RTTN: variants seen among roughly 807,000 people sequenced by gnomAD.
The protein encoded by RTTN is rotatin.
Under a neutral mutation model 269.2 loss-of-function variants are expected in RTTN, and 182 were observed. The ratio of observed to expected loss-of-function variants is 0.68; its 90% CI spans 0.60 to 0.76. RTTN has a LOEUF of 0.76. RTTN is among the 30% of genes least tolerant of loss of function. The probability of loss-of-function intolerance (pLI) is 0.00; values close to 1 mark genes in which losing one functional copy is unlikely to be tolerated. For missense variants in RTTN, 2,545 were observed against 2,608.6 expected, an observed-to-expected ratio of 0.98 and a Z score of 0.53; for synonymous variants, 1,006 against 963.5, an observed-to-expected ratio of 1.04 and a Z score of -0.82.
chr18:70,196,339 T>C (rs2061805724), intron 7 of RTTN, among the ~76,000 whole-genome samples, 162 bp downstream of exon 7: 1 of 151,492 alleles, frequency 6.6e-6, no homozygotes, highest in African/African-American at 2.4e-5. Context: ...GTTTCTGTCA[T>C]TCACGCAATC....
In RTTN at chr18:70,075,336, A is replaced by G; in HGVS notation, c.4564+16T>C. 6.8e-7 allele frequency: 1 copy of G among 1,475,310 alleles called. No homozygotes were observed. The highest frequency in any genetic ancestry group is 9.1e-7 in the Non-Finnish European group (1 of 1,102,766). The allele number at this position is 1,475,310 out of a possible 1,614,324, so 91.4% of individuals were successfully genotyped here. A position where few individuals can be genotyped will look rare whatever the true frequency, so the allele number is the denominator to read the frequency against. Reference sequence around the variant, plus strand: ...TACATATTACAAAAATAAAAATACAAAGATATCGTACTTACCATTTAAATC... The same window carrying G: ...TACATATTACAAAAATAAAAATACAGAGATATCGTACTTACCATTTAAATC... On this transcript the variant is annotated intron_variant, in intron 33 of 48. Coordinates refer to ENST00000640769, the MANE Select transcript of RTTN (RefSeq NM_173630.4).
Position 70,193,437 on chromosome 18 carries a change from A to AT in RTTN, c.857dup (p.Asn286LysfsTer9). On this transcript the variant is annotated frameshift_variant, in exon 8 of 49. Coordinates refer to ENST00000640769, the MANE Select transcript of RTTN (RefSeq NM_173630.4). LOFTEE classifies it high-confidence loss of function. Reference sequence around the variant, plus strand: ...CTTCATGACAATAAGACAAAGAAGAATTTTGGGAAACTGTGTCTGGGGAAA... The same window carrying AT: ...CTTCATGACAATAAGACAAAGAAGAATTTTTGGGAAACTGTGTCTGGGGAAA... The AT allele has an allele frequency of 1.3e-6, 2 of 1,528,440 alleles. No homozygotes were observed. The highest frequency in any genetic ancestry group is 2.5e-5 in the South Asian group (2 of 80,690). The allele number at this position is 1,528,440 out of a possible 1,614,324, so 94.7% of individuals were successfully genotyped here.
At chr18:70,193,554 G>A (rs982939843) in intron 7 of RTTN, 101 bp from the exon 8 acceptor site, 1 of 910,334 alleles carries the variant, frequency 1.1e-6, no homozygotes, top group East Asian at 3.1e-5. Flanking sequence ...AACAAATTAA[G>A]ATAGTAGGAA....
chr18:70,144,865 A>G (rs1198781589), intron 18 of RTTN, among the ~76,000 whole-genome samples: 1 of 152,240 alleles, frequency 6.6e-6, no homozygotes, highest in Non-Finnish European at 1.5e-5. Context: ...AAAATAAAAC[A>G]GACAGATTGC....
At chr18:70,159,407 A>G (rs914001069) in intron 14 of RTTN, among the ~76,000 whole-genome samples, 2 of 152,200 alleles carry the variant, frequency 1.3e-5, no homozygotes, top group African/African-American at 2.4e-5. Flanking sequence ...CAGAAACACA[A>G]TATATCAGAA....
chr18:70,159,751 T>C (rs929425524), intron 14 of RTTN, among the ~76,000 whole-genome samples: 11 of 151,998 alleles, frequency 7.2e-5, no homozygotes, highest in African/African-American at 2.4e-4. Context: ...AGTGACATTA[T>C]CACTGACCCC....
intron 25 of RTTN, among the ~76,000 whole-genome samples, chr18:70,125,560 C>T (rs1328469499): frequency 6.6e-6 from 1 of 151,808 alleles, no homozygotes; most frequent in East Asian, 1.9e-4. Context: ...TTTTAAAATA[C>T]AATAAAAAAC....
intron 3 of RTTN, among the ~76,000 whole-genome samples, chr18:70,202,638 T>A (rs2061981486): frequency 6.6e-6 from 1 of 152,222 alleles, no homozygotes; most frequent in African/African-American, 2.4e-5. Context: ...TTCGAAACTG[T>A]AAAATATATT....
At chr18:70,149,361 C>G (rs920487031) in intron 16 of RTTN, among the ~76,000 whole-genome samples, 1 of 151,964 alleles carries the variant, frequency 6.6e-6, no homozygotes, top group Non-Finnish European at 1.5e-5. Context: ...CCCATCCCCA[C>G]CCTAAGAAGA....
At chr18:70,124,343 G>T (rs1212449221) in intron 25 of RTTN, among the ~76,000 whole-genome samples, 2 of 152,014 alleles carry the variant, frequency 1.3e-5, no homozygotes, top group Non-Finnish European at 2.9e-5. Context: ...TGCGATATGT[G>T]AGGGATATAA....
chr18:70,065,721 C>T lies in RTTN; in HGVS notation c.4747+108G>A, dbSNP rs1224063537. On this transcript the variant is annotated intron_variant, in intron 35 of 48. Transcript: ENST00000640769. ...AAATGTATTTCATAATGGTCTACAACTTATTTCATTAAAATTTTGTTCTTT... is the reference window on the plus strand; with the variant it reads ...AAATGTATTTCATAATGGTCTACAATTTATTTCATTAAAATTTTGTTCTTT... 1.8e-5 allele frequency: 11 copies of T among 602,602 alleles called. No individual in the cohort carries two copies. In the East Asian group the frequency reaches 3.0e-4, roughly 16 times the overall value. 37.3% of individuals were successfully genotyped at this position (602,602 alleles called of 1,614,324 possible). A position where few individuals can be genotyped will look rare whatever the true frequency, so the allele number is the denominator to read the frequency against.
In RTTN at chr18:70,140,149, A is replaced by C; in HGVS notation, c.2621T>G (p.Ile874Ser). 2 of 1,602,650 alleles carry C rather than the reference A, an allele frequency of 1.2e-6. No homozygotes were observed. Among genetic ancestry groups the C allele is most frequent in the Non-Finnish European group, 1.7e-6 (2 of 1,170,420 alleles). ...MHAVVKKLCL[I>S]DKIIEYLNEC... ...ATTTAAATACTCAATTATTTTGTCA[A>C]TTAAGCATAACTTTTTCACCACAGC... Residue 874 changes from isoleucine (I) to serine (S), a missense_variant, in exon 20 of 49, where the codon ATT becomes AGT. Transcript: ENST00000640769.
chr18:70,103,367 T>C (rs1478436077), intron 28 of RTTN, among the ~76,000 whole-genome samples: 1 of 152,010 alleles, frequency 6.6e-6, no homozygotes, highest in Non-Finnish European at 1.5e-5. Flanking sequence ...ACTGTGTCTG[T>C]GTAGAAAGAA....
chr18:70,164,467 G>A (rs967755409), intron 14 of RTTN, among the ~76,000 whole-genome samples: 2 of 151,612 alleles, frequency 1.3e-5, no homozygotes, highest in Non-Finnish European at 2.9e-5. Flanking sequence ...TCCTGCTTTG[G>A]CCTTCCCAAA....
intron 34 of RTTN, among the ~76,000 whole-genome samples, chr18:70,068,525 G>T (rs2058207230): frequency 6.6e-6 from 1 of 152,184 alleles, no homozygotes; most frequent in African/African-American, 2.4e-5. Flanking sequence ...CTTTCTCCCT[G>T]ATCCCCCTGT....
chr18:70,057,616 A>G lies in RTTN; in HGVS notation c.5031+126T>C. On this transcript the variant is annotated intron_variant, in intron 37 of 48. Transcript: ENST00000640769. ...AATTTCAAGTAACGTATTTCGAATAATCTCATCATACCATGTATATTTTGA... is the reference window on the plus strand; with the variant it reads ...AATTTCAAGTAACGTATTTCGAATAGTCTCATCATACCATGTATATTTTGA... 4.6e-6 allele frequency: 3 copies of G among 649,450 alleles called. No homozygotes were observed. The South Asian group carries it at 6.1e-5, about 13-fold the overall frequency. The allele number at this position is 649,450 out of a possible 1,614,324, so 40.2% of individuals were successfully genotyped here.
chr18:70,065,176 C>A (rs1050612511), intron 35 of RTTN, among the ~76,000 whole-genome samples: 2 of 150,570 alleles, frequency 1.3e-5, no homozygotes. Context: ...TATATGTATG[C>A]CAGTGTTTAA....
At chr18:70,026,432 G>T (rs1194872850) in intron 43 of RTTN, among the ~76,000 whole-genome samples, 1 of 151,912 alleles carries the variant, frequency 6.6e-6, no homozygotes, top group Non-Finnish European at 1.5e-5. Flanking sequence ...AAAGTGTGTG[G>T]TACCTCCTCG....
At chr18:70,090,534 G>A (rs1411720550) in intron 30 of RTTN, among the ~76,000 whole-genome samples, 1 of 152,146 alleles carries the variant, frequency 6.6e-6, no homozygotes, top group Non-Finnish European at 1.5e-5. Context: ...GGCATTGTGA[G>A]GGAGGGTTTG....
Sources: gnomAD v4.1 joint callset for allele counts (sites outside exome capture counted in the v4.1 genomes callset) on GRCh38, gnomAD v4.1.1 for gene constraint, MANE v1.5 for transcripts, NCBI Gene and HGNC (gene_info 2026-07-23, HGNC 2026-07-21) for gene names.